Variants in DCAF6 observed in about 807,000 individuals in gnomAD.
DCAF6 encodes DDB1 and CUL4 associated factor 6.
DCAF6 carries 54 observed loss-of-function variants against 125.1 expected under a neutral mutation model. That is an observed-to-expected ratio of 0.43 (90% CI 0.35 to 0.54). The LOEUF (loss-of-function observed/expected upper bound fraction) is 0.54, where lower values mean the gene tolerates loss of function less well. DCAF6 is among the 20% of genes least tolerant of loss of function. The pLI is 0.01. For missense variants in DCAF6, 934 were observed against 1,161.7 expected, an observed-to-expected ratio of 0.80 and a Z score of 2.85; for synonymous variants, 371 against 390.4, an observed-to-expected ratio of 0.95 and a Z score of 0.58.
intron 3 of DCAF6, among the ~76,000 whole-genome samples, chr1:167,969,999 ACTC>A (rs1677053029): frequency 6.6e-6 from 1 of 152,036 alleles, no homozygotes; most frequent in Admixed American, 6.6e-5. Context: ...CTGGTCTCGA[ACTC>A]CTGAGCTCAA....
At chr1:168,039,092 A>G (rs970795342) in intron 13 of DCAF6, among the ~76,000 whole-genome samples, 16 of 152,050 alleles carry the variant, frequency 1.1e-4, no homozygotes, top group Non-Finnish European at 2.9e-5. Flanking sequence ...TTTTTACCAA[A>G]TAAGGCTTTA....
At chr1:167,935,223 C>T (rs542851798), upstream of DCAF6, among the ~76,000 whole-genome samples, 27 of 152,294 alleles carry the variant, frequency 1.8e-4, no homozygotes, top group African/African-American at 6.5e-4. Context: ...AGAAATGACA[C>T]TGACTCAAGC....
rs765973083 is a variant in DCAF6 at position 168,045,181 on chromosome 1, C to T, written c.2212C>T (p.Pro738Ser). 3.7e-6 allele frequency: 6 copies of T among 1,613,798 alleles called. 1 individual carries two copies. The highest frequency in any genetic ancestry group is 3.3e-5 in the Admixed American group (2 of 59,928). Reference protein sequence around the residue: ...LQDTDDSDDDPVLIPGARYRA... With the variant: ...LQDTDDSDDDSVLIPGARYRA... Reference sequence around the variant, plus strand: ...GGACACAGATGACAGTGATGATGACCCAGTCCTGATCCCAGGTGCAAGGTA... The same window carrying T: ...GGACACAGATGACAGTGATGATGACTCAGTCCTGATCCCAGGTGCAAGGTA... The change falls in exon 16 of 22, where the codon CCA becomes TCA. Residue 738 changes from proline (P) to serine (S), a missense_variant. Coordinates refer to ENST00000367840, the MANE Select transcript of DCAF6 (RefSeq NM_001198956.2).
intron 13 of DCAF6, among the ~76,000 whole-genome samples, chr1:168,041,491 A>G (rs988882299): frequency 1.3e-5 from 2 of 151,990 alleles, no homozygotes; most frequent in Non-Finnish European, 1.5e-5. Flanking sequence ...TATTCCTCTC[A>G]TATTTTCTAT....
At position 167,988,193 on chromosome 1, in the gene DCAF6, T is replaced by G. The variant is rs912096529; in HGVS notation, c.552+585T>G. 7.9e-5 allele frequency among the ~76,000 whole-genome samples: 12 copies of G among 152,220 alleles called. 1 individual carries two copies. The highest frequency in any genetic ancestry group is 1.0e-4 in the Non-Finnish European group (7 of 68,028). On this transcript the variant is annotated intron_variant, in intron 5 of 21. Coordinates refer to ENST00000367840, the MANE Select transcript of DCAF6 (RefSeq NM_001198956.2). ...AATTTTTTTTGAGACAAGGTCTCACTGTGTCATCTCAGGCCGGAGTGCAGT... is the reference window on the plus strand; with the variant it reads ...AATTTTTTTTGAGACAAGGTCTCACGGTGTCATCTCAGGCCGGAGTGCAGT...
intron 1 of DCAF6, among the ~76,000 whole-genome samples, chr1:167,947,134 T>G (rs925996443): frequency 6.6e-6 from 1 of 152,194 alleles, no homozygotes; most frequent in African/African-American, 2.4e-5. Context: ...TGTATCTATT[T>G]CCTGTAGGTT....
the DCAF6 span, among the ~76,000 whole-genome samples, chr1:167,907,115 T>C: frequency 2.0e-5 from 3 of 152,134 alleles, no homozygotes; most frequent in Admixed American, 2.0e-4. Flanking sequence ...AACATATATC[T>C]ACAGATACTG....
At position 168,045,000 on chromosome 1, in the gene DCAF6, T is replaced by A; in HGVS notation, c.2031T>A (p.Ala677=). 1 of 1,614,078 alleles carries A rather than the reference T, an allele frequency of 6.2e-7. No homozygotes were observed. The highest frequency in any genetic ancestry group is 2.2e-5 in the East Asian group (1 of 44,884). The change falls in exon 16 of 22, where the codon GCT becomes GCA. Residue 677 remains alanine (A), a synonymous_variant. Transcript: ENST00000367840. ...DRSCGVPEES[A]SSEKAKEPET... ...CTTGTGGGGTTCCAGAAGAATCTGC[T>A]TCATCTGAAAAAGCCAAGGAACCAG...
At chr1:167,887,335 G>T in the DCAF6 span, among the ~76,000 whole-genome samples, 1 of 152,184 alleles carries the variant, frequency 6.6e-6, no homozygotes, top group Non-Finnish European at 1.5e-5. Context: ...AGAAAATGTG[G>T]CATGTATACA....
At chr1:167,925,442 C>CGTATATATATATATAT in the DCAF6 span, among the ~76,000 whole-genome samples, 17 of 82,454 alleles carry the variant, frequency 2.1e-4, no homozygotes, top group Non-Finnish European at 2.5e-4. Context: ...TACATATACA[C>CGTATATATATATATAT]ATATATATAT....
the DCAF6 span, among the ~76,000 whole-genome samples, chr1:167,891,551 G>C: frequency 6.6e-6 from 1 of 151,596 alleles, no homozygotes. Context: ...AGCTACTCAG[G>C]AGGCTGAGGC....
chr1:167,937,338 C>T (rs1178280721), intron 1 of DCAF6: 1 of 329,114 alleles, frequency 3.0e-6, no homozygotes, highest in African/African-American at 2.2e-5. Flanking sequence ...GCGTTTAGAG[C>T]AAAAGTTAGC....
chr1:167,880,676 G>T, the DCAF6 span: 2 of 1,221,998 alleles, frequency 1.6e-6, no homozygotes, highest in Non-Finnish European at 1.2e-6. Flanking sequence ...TGGCCAGAAG[G>T]CTCAACAGAG....
Position 167,942,640 on chromosome 1 carries a change from T to A in DCAF6, c.97+5632T>A, listed in dbSNP as rs1571577271. ...CCAAGGTAACAAAGATTTTTACTTTTTTTTTCCTGGAGATTTTATCTTTTT... is the reference window on the plus strand; with the variant it reads ...CCAAGGTAACAAAGATTTTTACTTTATTTTTCCTGGAGATTTTATCTTTTT... On this transcript the variant is annotated intron_variant, in intron 1 of 21. Transcript: ENST00000367840. Among the ~76,000 whole-genome samples, 5 of 152,324 alleles carry A rather than the reference T, an allele frequency of 3.3e-5. No homozygotes were observed. The South Asian group carries it at 1.0e-3, about 32-fold the overall frequency.
At chr1:168,008,399 CT>C (rs1683664826) in intron 10 of DCAF6, among the ~76,000 whole-genome samples, 1 of 152,034 alleles carries the variant, frequency 6.6e-6, no homozygotes, top group African/African-American at 2.4e-5. Context: ...TTCTTGATTC[CT>C]TCCTTTTCCT....
In DCAF6 at chr1:168,044,963, A is replaced by G. The variant is rs998501046; in HGVS notation, c.1994A>G (p.Asn665Ser). 1.9e-6 allele frequency: 3 copies of G among 1,614,030 alleles called. No homozygotes were observed. The highest frequency in any genetic ancestry group is 2.5e-6 in the Non-Finnish European group (3 of 1,179,978). Residue 665 changes from asparagine (N) to serine (S), a missense_variant, in exon 16 of 22, where the codon AAT (asparagine) becomes AGT (serine). By Grantham distance (46) the Asn-to-Ser change is conservative (BLOSUM62 1). Transcript: ENST00000367840. ...AACTCAGGAGAAAGAAATGACCTCA[A>G]TCTTGATCGCTCTTGTGGGGTTCCA... is the stretch of plus-strand genomic sequence containing the variant. ...DSNSGERNDL[N>S]LDRSCGVPEE...
At chr1:167,871,114 T>C in the DCAF6 span, among the ~76,000 whole-genome samples, 1 of 152,120 alleles carries the variant, frequency 6.6e-6, no homozygotes, top group African/African-American at 2.4e-5. Flanking sequence ...ACACTAGAAG[T>C]AATATGTAGA....
chr1:167,945,110 T>C (rs1672858697), intron 1 of DCAF6, among the ~76,000 whole-genome samples: 1 of 152,226 alleles, frequency 6.6e-6, no homozygotes, highest in Non-Finnish European at 1.5e-5. Context: ...TAACCTGCTG[T>C]TCTGGTTAGT....
chr1:168,002,873 G>C (rs1682836444), intron 8 of DCAF6, among the ~76,000 whole-genome samples: 1 of 152,106 alleles, frequency 6.6e-6, no homozygotes, highest in South Asian at 2.1e-4. Flanking sequence ...GGTATTGTCA[G>C]ACTTTGCAGT....
Sources: gnomAD v4.1 joint callset for allele counts (sites outside exome capture counted in the v4.1 genomes callset) on GRCh38, gnomAD v4.1.1 for gene constraint, MANE v1.5 for transcripts, NCBI Gene and HGNC (gene_info 2026-07-23, HGNC 2026-07-21) for gene names.